WDFY4: variants seen among roughly 807,000 people sequenced by gnomAD.
WDFY4 encodes the protein WDFY family member 4, also known as WD repeat- and FYVE domain-containing protein 4.
WDFY4 carries 169 observed loss-of-function variants against 351.9 expected under a neutral mutation model. That is an observed-to-expected ratio of 0.48 (90% confidence interval 0.42 to 0.55). WDFY4 has a LOEUF of 0.55. Ranked by LOEUF, WDFY4 falls within the 20% of genes least tolerant of loss-of-function variation. WDFY4 has a pLI of 0.00. For synonymous variants in WDFY4, 1,622 were observed against 1,574.6 expected (o/e 1.03, Z -0.71); for missense variants, 3,803 against 3,935.6 (o/e 0.97, Z 0.90).
chr10:48,942,269 T>C (rs1156945880), intron 48 of WDFY4, among the ~76,000 whole-genome samples: 1 of 152,152 alleles, frequency 6.6e-6, no homozygotes, highest in African/African-American at 2.4e-5. Flanking sequence ...CCAGCTGGGA[T>C]CTTATTTTTC....
At chr10:48,932,627 A>G (rs1175029417) in intron 47 of WDFY4, 4 of 150,358 alleles carry the variant, frequency 2.7e-5, no homozygotes, top group Middle Eastern at 3.2e-3. Context: ...TGAAGCTACC[A>G]TGTCAAGAGA....
At chr10:48,944,114 C>A (rs916897761) in intron 49 of WDFY4, among the ~76,000 whole-genome samples, 1 of 152,184 alleles carries the variant, frequency 6.6e-6, no homozygotes, top group African/African-American at 2.4e-5. Flanking sequence ...TGAAGTGGGC[C>A]ATGGAATTTG....
chr10:48,760,387 G>C lies in WDFY4; in HGVS notation c.2500G>C (p.Val834Leu). 15 of 1,551,658 alleles carry C rather than the reference G, an allele frequency of 9.7e-6. No homozygotes were observed. Among genetic ancestry groups the C allele is most frequent in the Non-Finnish European group, 1.3e-5 (15 of 1,146,980 alleles). The change falls in exon 13 of 62, where the codon GTG becomes CTG. Residue 834 changes from valine to leucine, a missense_variant. Val to Leu is a conservative substitution (Grantham distance 32, BLOSUM62 1). Transcript: ENST00000325239. ...GDAAIMHPGV[V>L]CIMVRLLPRL... ...TGCTGCAATCATGCATCCCGGGGTC[G>C]TGTGCATCATGGTGAGGCTGCTGCC...
intron 52 of WDFY4, among the ~76,000 whole-genome samples, chr10:48,958,056 G>A (rs765824272): frequency 2.6e-5 from 4 of 152,130 alleles, no homozygotes; most frequent in African/African-American, 4.8e-5. Context: ...GCCCCCCCTC[G>A]TCAGTGTTCT....
chr10:48,981,068 A>T (rs1339306039), intron 60 of WDFY4, among the ~76,000 whole-genome samples: 1 of 152,236 alleles, frequency 6.6e-6, no homozygotes, highest in African/African-American at 2.4e-5. Flanking sequence ...ACACTGATGA[A>T]CAATTTTGCT....
intron 25 of WDFY4, among the ~76,000 whole-genome samples, chr10:48,804,371 G>T (rs1263223295): frequency 6.6e-6 from 1 of 152,122 alleles, no homozygotes; most frequent in African/African-American, 2.4e-5. Context: ...GATAAAAAGA[G>T]AATACAGAAA....
intron 49 of WDFY4, among the ~76,000 whole-genome samples, chr10:48,945,424 A>G (rs1226215777): frequency 3.3e-5 from 5 of 152,144 alleles, no homozygotes; most frequent in African/African-American, 1.2e-4. Context: ...TCCTATAAAG[A>G]AATGCAAACC....
In WDFY4 at chr10:48,721,291, T is replaced by C; in HGVS notation, c.380T>C (p.Leu127Pro). ...GCTCGGTTGGCAGCTGGACAGTTGC[T>C]GTGGTGGAAGGGGGACGTGGATCAG... ...EQARLAAGQL[L>P]WWKGDVDQDG... The change falls in exon 4 of 62, where the codon CTG (leucine) becomes CCG (proline). Residue 127 changes from leucine (L) to proline (P), a missense_variant. Coordinates refer to ENST00000325239, the MANE Select transcript of WDFY4 (RefSeq NM_001394531.1). The C allele has an allele frequency of 6.4e-7, 1 of 1,551,594 alleles. No individual in the cohort carries two copies. The highest frequency in any genetic ancestry group is 8.7e-7 in the Non-Finnish European group (1 of 1,146,948).
At chr10:48,826,645 A>G (rs1396473803) in intron 35 of WDFY4, 26 bp from the exon 36 acceptor site, 2 of 1,506,676 alleles carry the variant, frequency 1.3e-6, no homozygotes, top group Non-Finnish European at 9.0e-7. Context: ...AAGTTTGTGT[A>G]TGTGTATGTT....
rs551035054 is a variant in WDFY4 at position 48,707,287 on chromosome 10, G to A, written c.-17-2429G>A. ...GGGTGATGCCAAGCAGGGTGGTAAT[G>A]AGGTCACTGAAGAGCCTTCAGATGC... On this transcript the variant is annotated intron_variant, in intron 1 of 61. Transcript: ENST00000325239. Among the ~76,000 whole-genome samples the A allele has an allele frequency of 6.6e-5, 10 of 152,298 alleles. No individual in the cohort carries two copies. In the South Asian group the frequency reaches 2.1e-3, roughly 32 times the overall value.
chr10:48,970,110 C>T, intron 56 of WDFY4, 21 bp from the exon 57 acceptor site: 2 of 1,550,654 alleles, frequency 1.3e-6, no homozygotes, highest in Non-Finnish European at 1.7e-6. Flanking sequence ...CAGCAGCGCT[C>T]ATCCCCCTTA....
chr10:48,820,108 C>A (rs892560216), intron 32 of WDFY4, 126 bp from the exon 33 acceptor site: 37 of 1,081,318 alleles, frequency 3.4e-5, no homozygotes, highest in Non-Finnish European at 4.6e-5. Context: ...CTTTCCTGTG[C>A]GGAGCCTCAA....
chr10:48,721,033 G>A (rs1376895451), intron 3 of WDFY4, among the ~76,000 whole-genome samples: 1 of 152,204 alleles, frequency 6.6e-6, no homozygotes, highest in Non-Finnish European at 1.5e-5. Flanking sequence ...ACCACTGATG[G>A]TTGCTAAACG....
intron 28 of WDFY4, 37 bp from the exon 29 acceptor site, chr10:48,810,493 G>A (rs1370883243): frequency 2.0e-6 from 3 of 1,535,768 alleles, no homozygotes; most frequent in South Asian, 1.2e-5. Flanking sequence ...CTCGCTCATG[G>A]ACTGAGAGAA....
intron 23 of WDFY4, among the ~76,000 whole-genome samples, chr10:48,792,732 A>G (rs1431217773): frequency 1.3e-5 from 2 of 152,202 alleles, no homozygotes; most frequent in African/African-American, 4.8e-5. Flanking sequence ...TAAAAATGCA[A>G]TCGGTGTCCA....
chr10:48,978,494 T>C, intron 60 of WDFY4, 101 bp downstream of exon 60: 1 of 1,191,372 alleles, frequency 8.4e-7, no homozygotes, highest in Non-Finnish European at 1.1e-6. Flanking sequence ...CTCCCAGGTC[T>C]GCCCAGCCTA....
intron 9 of WDFY4, among the ~76,000 whole-genome samples, chr10:48,732,244 T>C (rs956761967): frequency 1.3e-5 from 2 of 152,224 alleles, no homozygotes; most frequent in African/African-American, 4.8e-5. Context: ...TCACTCTATG[T>C]GGTGGTCTTT....
intron 23 of WDFY4, among the ~76,000 whole-genome samples, chr10:48,791,279 A>G (rs2066670527): frequency 6.6e-6 from 1 of 152,240 alleles, no homozygotes; most frequent in South Asian, 2.1e-4. Flanking sequence ...CTAATTTGCT[A>G]TTTAACCTTA....
intron 57 of WDFY4, 114 bp downstream of exon 57, chr10:48,970,403 A>C: frequency 1.5e-6 from 2 of 1,377,804 alleles, no homozygotes; most frequent in South Asian, 1.5e-5. Flanking sequence ...ACACACCCTA[A>C]CTCTGCTCAC....
Sources: gnomAD v4.1 joint callset for allele counts (sites outside exome capture counted in the v4.1 genomes callset) on GRCh38, gnomAD v4.1.1 for gene constraint, MANE v1.5 for transcripts, NCBI Gene and HGNC (gene_info 2026-07-23, HGNC 2026-07-21) for gene names.